MAGI2: variants seen among roughly 807,000 people sequenced by gnomAD.
MAGI2 encodes the protein membrane associated guanylate kinase, WW and PDZ domain containing 2.
A neutral mutation model predicts 133.3 loss-of-function variants in MAGI2; 35 were observed. The ratio of observed to expected loss-of-function variants is 0.26; its 90% CI spans 0.20 to 0.35. The LOEUF is 0.35. MAGI2 is among the 10% of genes least tolerant of loss of function. The pLI, the probability that MAGI2 is intolerant of heterozygous loss-of-function variation, is 1.00. For missense variants in MAGI2, 1,636 were observed against 1,863.4 expected, an observed-to-expected ratio of 0.88 and a Z score of 2.25; for synonymous variants, 729 against 710.6, an observed-to-expected ratio of 1.03 and a Z score of -0.41.
intron 6 of MAGI2, among the ~76,000 whole-genome samples, chr7:78,412,494 T>A (rs891338346): frequency 4.6e-5 from 7 of 151,966 alleles, no homozygotes; most frequent in African/African-American, 1.7e-4. Context: ...GGAGTTTAGA[T>A]GTTAGAAAGG....
At chr7:78,547,760 CACAG>C (rs1798983201) in intron 3 of MAGI2, among the ~76,000 whole-genome samples, 1 of 152,220 alleles carries the variant, frequency 6.6e-6, no homozygotes, top group African/African-American at 2.4e-5. Flanking sequence ...AGAAAACCCA[CACAG>C]ACAAAGGGAA....
intron 6 of MAGI2, among the ~76,000 whole-genome samples, chr7:78,385,329 T>C (rs2151301181): frequency 6.6e-6 from 1 of 152,334 alleles, no homozygotes; most frequent in South Asian, 2.1e-4. Flanking sequence ...CTGACCAACC[T>C]GACAGTGCCC....
chr7:79,013,617 C>T (rs537096394), intron 1 of MAGI2, among the ~76,000 whole-genome samples: 214 of 152,204 alleles, frequency 1.4e-3, no homozygotes, highest in Middle Eastern at 6.8e-3. Flanking sequence ...GCCACAGACA[C>T]AAAACAGGTG....
chr7:78,559,782 GTTTAA>G (rs1433815944), intron 3 of MAGI2, among the ~76,000 whole-genome samples: 1 of 152,062 alleles, frequency 6.6e-6, no homozygotes, highest in African/African-American at 2.4e-5. Context: ...CTTGAGAAGT[GTTTAA>G]TTTTTGATAA....
intron 2 of MAGI2, among the ~76,000 whole-genome samples, chr7:78,949,768 T>C (rs1441063300): frequency 6.6e-6 from 1 of 152,192 alleles, no homozygotes; most frequent in Admixed American, 6.6e-5. Flanking sequence ...AGTTTCTACC[T>C]GGTGACAGCC....
chr7:79,019,985 T>C (rs536688874), intron 1 of MAGI2, among the ~76,000 whole-genome samples: 2 of 152,144 alleles, frequency 1.3e-5, no homozygotes, highest in Admixed American at 1.3e-4. Flanking sequence ...GTTAGAACAG[T>C]TTGGAGAGCT....
intron 1 of MAGI2, chr7:79,343,206 C>T (rs1841039634): frequency 6.6e-6 from 1 of 152,094 alleles, no homozygotes; most frequent in African/African-American, 2.4e-5. Flanking sequence ...AAGTAATAAA[C>T]ATATTCAGCA....
At chr7:78,663,291 C>T (rs1344992488) in intron 2 of MAGI2, among the ~76,000 whole-genome samples, 1 of 151,060 alleles carries the variant, frequency 6.6e-6, no homozygotes, top group Non-Finnish European at 1.5e-5. Context: ...ACTGCAATAT[C>T]CGCCTCCCGG....
At chr7:78,537,724 C>T (rs1163153068) in intron 3 of MAGI2, among the ~76,000 whole-genome samples, 1 of 151,588 alleles carries the variant, frequency 6.6e-6, no homozygotes, top group Non-Finnish European at 1.5e-5. Flanking sequence ...CCTTGTAGTT[C>T]CTTGTAGATT....
At chr7:78,878,465 T>A (rs1016225779) in intron 2 of MAGI2, among the ~76,000 whole-genome samples, 2 of 152,218 alleles carry the variant, frequency 1.3e-5, no homozygotes, top group Non-Finnish European at 2.9e-5. Flanking sequence ...TTCCTGTATG[T>A]GGAATGTAAA....
chr7:78,494,651 GTTCT>G (rs1386964323), intron 5 of MAGI2, among the ~76,000 whole-genome samples: 1 of 150,516 alleles, frequency 6.6e-6, no homozygotes, highest in Non-Finnish European at 1.5e-5. Flanking sequence ...CTTTTCTTTC[GTTCT>G]TTAATATTGC....
chr7:78,865,753 A>C (rs1273066256), intron 2 of MAGI2, among the ~76,000 whole-genome samples: 2 of 152,182 alleles, frequency 1.3e-5, no homozygotes, highest in Admixed American at 6.5e-5. Context: ...TTAGAAGTAA[A>C]TTTAGCCAAT....
intron 11 of MAGI2, among the ~76,000 whole-genome samples, chr7:78,198,317 G>A (rs1199992864): frequency 6.6e-6 from 1 of 151,978 alleles, no homozygotes; most frequent in Non-Finnish European, 1.5e-5. Flanking sequence ...ATGGATGTCT[G>A]TGCAACTTTA....
chr7:78,815,960 A>G (rs551529467), intron 2 of MAGI2, among the ~76,000 whole-genome samples: 1 of 152,214 alleles, frequency 6.6e-6, no homozygotes, highest in African/African-American at 2.4e-5. Context: ...TTAGTGAGGA[A>G]GGCATGTTGA....
intron 6 of MAGI2, among the ~76,000 whole-genome samples, chr7:78,455,567 C>A (rs2151493632): frequency 6.6e-6 from 1 of 152,012 alleles, no homozygotes; most frequent in East Asian, 1.9e-4. Flanking sequence ...ACAAAAATAT[C>A]CTGAAAGATT....
At chr7:78,046,355 T>C (rs1317144727) in intron 21 of MAGI2, among the ~76,000 whole-genome samples, 2 of 151,492 alleles carry the variant, frequency 1.3e-5, no homozygotes, top group Non-Finnish European at 2.9e-5. Context: ...TGAGACAAGA[T>C]TGAACCACTG....
At chr7:79,392,023 G>A (rs532725975) in intron 1 of MAGI2, among the ~76,000 whole-genome samples, 3 of 151,908 alleles carry the variant, frequency 2.0e-5, no homozygotes, top group Non-Finnish European at 4.4e-5. Flanking sequence ...ACCACCCTCC[G>A]ACAGGCCCCG....
intron 2 of MAGI2, among the ~76,000 whole-genome samples, chr7:78,955,976 C>T (rs1021208051): frequency 1.1e-4 from 17 of 151,574 alleles, no homozygotes; most frequent in African/African-American, 3.9e-4. Flanking sequence ...AAACTCCTTG[C>T]TGTTTGTGGT....
intron 2 of MAGI2, among the ~76,000 whole-genome samples, chr7:78,792,937 T>A (rs946400830): frequency 9.9e-5 from 15 of 152,244 alleles, no homozygotes; most frequent in African/African-American, 3.6e-4. Context: ...AATATTTTGA[T>A]GTTAATACGT....
Sources: allele counts gnomAD v4.1 joint callset (sites outside exome capture counted in the v4.1 genomes callset), GRCh38; gene constraint gnomAD v4.1.1; transcripts MANE v1.5; gene names NCBI Gene and HGNC (gene_info 2026-07-23, HGNC 2026-07-21).